Variants in BCAN observed in about 807,000 individuals in gnomAD.
BCAN encodes brevican core protein.
Under a neutral mutation model 92.4 loss-of-function variants are expected in BCAN, and 51 were observed. That is an observed-to-expected ratio of 0.55 (90% CI 0.44 to 0.70). The LOEUF (loss-of-function observed/expected upper bound fraction) is 0.70, where lower values mean the gene tolerates loss of function less well. BCAN is among the 30% of genes least tolerant of loss of function. BCAN has a pLI of 0.00. For synonymous variants in BCAN, 501 were observed against 505.2 expected (o/e 0.99, Z 0.11); for missense variants, 1,140 against 1,212.1 (o/e 0.94, Z 0.88).
In BCAN at chr1:156,648,073, C is replaced by T. The variant is rs780819948; in HGVS notation, c.732C>T (p.Asp244=). The change falls in exon 5 of 14, where the codon GAC becomes GAT. Residue 244 remains aspartate, a synonymous_variant. Coordinates refer to ENST00000329117, the MANE Select transcript of BCAN (RefSeq NM_021948.5). The part of the protein sequence containing the change: ...VRNYGVVDPD[D]LYDVYCYAED... Reference sequence around the variant, plus strand: ...ACTATGGTGTGGTGGACCCGGATGACCTCTATGATGTGTACTGTTATGCTG... The same window carrying T: ...ACTATGGTGTGGTGGACCCGGATGATCTCTATGATGTGTACTGTTATGCTG... 3 of 1,614,006 alleles carry T rather than the reference C, an allele frequency of 1.9e-6. No homozygotes were observed. The highest frequency in any genetic ancestry group is 3.3e-5 in the Admixed American group (2 of 59,994).
chr1:156,646,672 CCCTGGT>C, intron 2 of BCAN, 123 bp from the exon 3 acceptor site: 1 of 1,425,292 alleles, frequency 7.0e-7, no homozygotes, highest in Non-Finnish European at 9.2e-7. Flanking sequence ...GGCCCCTGGC[CCCTGGT>C]CCTAGGGGGG....
At chr1:156,653,235 T>C in intron 8 of BCAN, 1 of 1,248,744 alleles carries the variant, frequency 8.0e-7, no homozygotes, top group Middle Eastern at 3.1e-4. Flanking sequence ...ATTGCAGCCT[T>C]CAGGGCTCGG....
At position 156,647,803 on chromosome 1, in the gene BCAN, G is replaced by A. The variant is rs1679035716; in HGVS notation, c.641+121G>A. On this transcript the variant is annotated intron_variant, in intron 4 of 13. Transcript: ENST00000329117. The surrounding 1 kb of genome is among the most constrained non-coding windows in gnomAD (Gnocchi z 4.8). ...GCAGGGCTTTTTGCCTCTGGGGGAT[G>A]AGGCTGGTCTGAGGAGGGGAGGTGA... is the stretch of plus-strand genomic sequence containing the variant. 1.9e-6 allele frequency: 3 copies of A among 1,538,876 alleles called. No homozygotes were observed. In the South Asian group the frequency reaches 3.4e-5, roughly 18 times the overall value.
At chr1:156,653,603 C>G (rs530907685) in intron 8 of BCAN, 2 of 941,924 alleles carry the variant, frequency 2.1e-6, no homozygotes, top group East Asian at 2.3e-4. Context: ...GTCTTGGCCT[C>G]TCTTCCTTTT....
chr1:156,659,040 A>G lies in BCAN; in HGVS notation c.2642A>G (p.His881Arg). The G allele has an allele frequency of 6.2e-7, 1 of 1,600,300 alleles. No homozygotes were observed. The highest frequency in any genetic ancestry group is 8.5e-7 in the Non-Finnish European group (1 of 1,174,972). ...CVPRRPARALHPEEDPEGRQG... is the reference protein window; with the variant it reads ...CVPRRPARALRPEEDPEGRQG... ...TGTCTTCCCCAGGCCCGAGCTCTGC[A>G]CCCAGAGGAGGACCCAGAAGGACGT... The change falls in exon 14 of 14, where the codon CAC becomes CGC. Residue 881 changes from histidine (H) to arginine (R), a missense_variant. Physicochemically the swap from His to Arg is conservative, Grantham distance 29. Around this residue, in one of 3 missense-constraint regions of BCAN, gnomAD observed 825 missense variants for 871.8 expected, o/e 0.95. Transcript: ENST00000329117.
intron 1 of BCAN, chr1:156,644,500 C>T (rs1016423): frequency 0.96 from 145,774 of 152,414 alleles, 69,976 homozygotes; most frequent in East Asian, 1. Flanking sequence ...CACCCCAATG[C>T]CTGGAGCTGG....
rs533446491 is a variant in BCAN at position 156,646,686 on chromosome 1, G to A, written c.92-115G>A. On this transcript the variant is annotated intron_variant, in intron 2 of 13. Transcript: ENST00000329117. Reference sequence around the variant, plus strand: ...TGGCCCCTGGCCCCTGGTCCTAGGGGGGCCGGGGAATCCTGGGGCCGGAAG... The same window carrying A: ...TGGCCCCTGGCCCCTGGTCCTAGGGAGGCCGGGGAATCCTGGGGCCGGAAG... 281 of 1,455,742 alleles carry A rather than the reference G, an allele frequency of 1.9e-4. 4 individuals are homozygous for A. In the South Asian group the frequency reaches 3.9e-3, roughly 20 times the overall value. 90.2% of individuals were successfully genotyped at this position (1,455,742 alleles called of 1,614,324 possible).
rs2102555290 is a variant in BCAN at position 156,646,215 on chromosome 1, G to A, written c.91+70G>A. Reference sequence around the variant, plus strand: ...CTAACCAACTGCTTCCAGGCTTAGGGGCCCCAGGAAGAGAGAGAATTGGAG... The same window carrying A: ...CTAACCAACTGCTTCCAGGCTTAGGAGCCCCAGGAAGAGAGAGAATTGGAG... On this transcript the variant is annotated intron_variant, in intron 2 of 13. Coordinates refer to ENST00000329117, the MANE Select transcript of BCAN (RefSeq NM_021948.5). 13 of 1,482,220 alleles carry A rather than the reference G, an allele frequency of 8.8e-6. No homozygotes were observed. The South Asian group carries it at 1.4e-4, about 16-fold the overall frequency. The allele number at this position is 1,482,220 out of a possible 1,614,324, so 91.8% of individuals were successfully genotyped here.
intron 10 of BCAN, chr1:156,657,365 C>T: frequency 1.8e-6 from 1 of 564,470 alleles, no homozygotes; most frequent in South Asian, 2.5e-5. Context: ...GCCTCCAATC[C>T]CTCCAACCTC....
intron 8 of BCAN, chr1:156,653,463 T>C: frequency 1.0e-6 from 1 of 988,370 alleles, no homozygotes. Context: ...TTAAACCGCT[T>C]TGTAACCAAG....
At position 156,658,080 on chromosome 1, in the gene BCAN, G is replaced by A. The variant is rs368145123; in HGVS notation, c.2293-47G>A. 11 of 1,597,348 alleles carry A rather than the reference G, an allele frequency of 6.9e-6. No individual in the cohort carries two copies. The highest frequency in any genetic ancestry group is 5.7e-5 in the South Asian group (5 of 87,904). On this transcript the variant is annotated intron_variant, in intron 11 of 13. Transcript: ENST00000329117. This position sits in a 1 kb window ranked among gnomAD's most constrained non-coding sequence, Gnocchi z 4.4. ...CCCCAGATCCTCTAGGCCCTCTCCC[G>A]GTGCTCCTGGTGTAGGAGCTCCTCA...
chr1:156,646,162 G>C lies in BCAN; in HGVS notation c.91+17G>C. 6.2e-7 allele frequency: 1 copy of C among 1,609,388 alleles called. No homozygotes were observed. The highest frequency in any genetic ancestry group is 8.5e-7 in the Non-Finnish European group (1 of 1,176,182). ...ACAGCTCAGGTAAGCAACCCCACTT[G>C]GGGTCACCGTCTCTGTCTTGTTCAG... is the stretch of plus-strand genomic sequence containing the variant. On this transcript the variant is annotated intron_variant, in intron 2 of 13. Transcript: ENST00000329117.
At chr1:156,650,288 A>G (rs958902878) in intron 6 of BCAN, among the ~76,000 whole-genome samples, 4 of 152,156 alleles carry the variant, frequency 2.6e-5, no homozygotes, top group Non-Finnish European at 5.9e-5. Flanking sequence ...AGTTGGGACT[A>G]CGATTGGTGG....
intron 5 of BCAN, 43 bp downstream of exon 5, chr1:156,648,153 C>T (rs900386728): frequency 2.5e-6 from 4 of 1,600,276 alleles, no homozygotes; most frequent in Non-Finnish European, 3.4e-6. Flanking sequence ...TTTCCTACTC[C>T]CATGCTGCCC....
At chr1:156,657,337 G>A (rs1016236285) in intron 10 of BCAN, 26 of 629,550 alleles carry the variant, frequency 4.1e-5, no homozygotes, top group Middle Eastern at 4.3e-4. Context: ...TGTGGGCCGG[G>A]CCGCCGTGCA....
intron 1 of BCAN, 22 bp from the exon 2 acceptor site, chr1:156,646,025 C>T: frequency 6.3e-7 from 1 of 1,597,700 alleles, no homozygotes; most frequent in Non-Finnish European, 8.6e-7. Flanking sequence ...CCCCATCTTT[C>T]CTTCTCATGT....
At chr1:156,649,365 A>T (rs1202105672) in intron 6 of BCAN, among the ~76,000 whole-genome samples, 2 of 152,208 alleles carry the variant, frequency 1.3e-5, no homozygotes, top group Non-Finnish European at 2.9e-5. Flanking sequence ...GACCTTAAGT[A>T]CAGTTGGGAA....
rs1161749852 is a variant in BCAN, at chr1:156,659,329, C to G, written c.*195C>G. ...CCCAGCCCAGGCCCTCTCCCCCTACCCTGGGCACCAGATCTTCCATCAGGG... is the reference window on the plus strand; with the variant it reads ...CCCAGCCCAGGCCCTCTCCCCCTACGCTGGGCACCAGATCTTCCATCAGGG... On this transcript the variant is annotated 3_prime_UTR_variant, in exon 14 of 14. Transcript: ENST00000329117. 1.8e-6 allele frequency: 1 copy of G among 556,044 alleles called. No homozygotes were observed. Among genetic ancestry groups the G allele is most frequent in the Middle Eastern group, 4.7e-4 (1 of 2,150 alleles). 34.4% of individuals were successfully genotyped at this position (556,044 alleles called of 1,614,324 possible). A position where few individuals can be genotyped will look rare whatever the true frequency, so the allele number is the denominator to read the frequency against.
rs780693168 is a variant in BCAN, at chr1:156,646,881, C to T, written c.172C>T (p.His58Tyr). 4.3e-6 allele frequency: 7 copies of T among 1,610,716 alleles called. No individual in the cohort carries two copies. In the East Asian group the frequency reaches 1.6e-4, roughly 36 times the overall value. ...CGGCGGCGCCCTCACCATCCCTTGC[C>T]ACGTCCACTACCTGCGGCCACCGCC... The part of the protein sequence containing the change: ...VLGGALTIPC[H>Y]VHYLRPPPSR... The change falls in exon 3 of 14, where the codon CAC becomes TAC. Residue 58 changes from histidine (H) to tyrosine (Y), a missense_variant. His to Tyr is a moderately conservative substitution (Grantham distance 83). Coordinates refer to ENST00000329117, the MANE Select transcript of BCAN (RefSeq NM_021948.5).
Sources: gnomAD v4.1 joint callset for allele counts (sites outside exome capture counted in the v4.1 genomes callset) on GRCh38, gnomAD v4.1.1 for gene constraint, gnomAD v4.1.1 regional missense constraint, Gnocchi (gnomAD v3.1) non-coding constraint, MANE v1.5 for transcripts, NCBI Gene and HGNC (gene_info 2026-07-23, HGNC 2026-07-21) for gene names.